SLC4A10: variants seen among roughly 807,000 people sequenced by gnomAD.
SLC4A10 encodes solute carrier family 4 member 10.
In SLC4A10, 42 loss-of-function variants were observed where a neutral mutation model predicts 137.7. That is an observed-to-expected ratio of 0.30 (90% CI 0.24 to 0.39). The LOEUF is 0.39. Among genes scored for constraint, SLC4A10 ranks in the 10% least tolerant of loss-of-function variants. SLC4A10 has a pLI of 1.00. For synonymous variants in SLC4A10, 474 were observed against 464.1 expected (o/e 1.02, Z -0.27); for missense variants, 925 against 1,355.0 (o/e 0.68, Z 4.98).
intron 1 of SLC4A10, among the ~76,000 whole-genome samples, chr2:161,760,899 T>C (rs1336949393): frequency 1.3e-5 from 2 of 151,720 alleles, no homozygotes; most frequent in Admixed American, 6.6e-5. Flanking sequence ...ATAACATACA[T>C]AGGTATGTAT....
intron 1 of SLC4A10, among the ~76,000 whole-genome samples, chr2:161,766,103 T>C (rs2050769336): frequency 2.0e-5 from 3 of 152,174 alleles, no homozygotes; most frequent in Admixed American, 1.3e-4. Flanking sequence ...TTAAAAGGCG[T>C]ACTGTATATG....
chr2:161,683,623 C>G (rs141209441), intron 1 of SLC4A10, among the ~76,000 whole-genome samples: 1 of 152,272 alleles, frequency 6.6e-6, no homozygotes, highest in East Asian at 1.9e-4. Flanking sequence ...TTTAAAATCT[C>G]TAGCCAAATT....
chr2:161,822,668 T>C (rs891175541), intron 3 of SLC4A10, among the ~76,000 whole-genome samples: 3 of 152,202 alleles, frequency 2.0e-5, no homozygotes, highest in Non-Finnish European at 4.4e-5. Flanking sequence ...TTGTATATTA[T>C]GTATTTTTAT....
chr2:161,677,882 G>A lies in SLC4A10; in HGVS notation c.48+53316G>A, dbSNP rs116565530. On this transcript the variant is annotated intron_variant, in intron 1 of 26. Coordinates refer to ENST00000446997, the MANE Select transcript of SLC4A10 (RefSeq NM_001178015.2). ...TTTTCTGTCTATGATTCTTACCTTG[G>A]CAGTACAATGTTACTTTAGGAAGAG... 7.5e-4 allele frequency among the ~76,000 whole-genome samples: 114 copies of A among 152,194 alleles called. 3 individuals carry two copies. Among genetic ancestry groups the A allele is most frequent in the African/African-American group, 2.6e-3 (107 of 41,552 alleles).
intron 4 of SLC4A10, among the ~76,000 whole-genome samples, chr2:161,840,282 C>CT (rs1018862302): frequency 1.3e-5 from 2 of 151,962 alleles, no homozygotes; most frequent in African/African-American, 2.4e-5. Flanking sequence ...TGAAAGTGGG[C>CT]TTTTTTTAAA....
chr2:161,824,631 T>C (rs1311228505), intron 3 of SLC4A10, among the ~76,000 whole-genome samples: 3 of 152,120 alleles, frequency 2.0e-5, no homozygotes, highest in Non-Finnish European at 4.4e-5. Context: ...GAAGAAAACA[T>C]TGAAAAAGCA....
chr2:161,638,715 A>G lies in SLC4A10; in HGVS notation c.48+14149A>G, dbSNP rs142100715. On this transcript the variant is annotated intron_variant, in intron 1 of 26. Transcript: ENST00000446997. Reference sequence around the variant, plus strand: ...AATTCTGTAGATTGCTTTGAGTAGTATGAGTGTTTTAACAATATTAATTCT... The same window carrying G: ...AATTCTGTAGATTGCTTTGAGTAGTGTGAGTGTTTTAACAATATTAATTCT... 1.4e-3 allele frequency among the ~76,000 whole-genome samples: 216 copies of G among 152,178 alleles called. 2 individuals are homozygous for G. The highest frequency in any genetic ancestry group is 9.1e-3 in the South Asian group (44 of 4,824).
intron 1 of SLC4A10, among the ~76,000 whole-genome samples, chr2:161,761,073 A>G (rs1439892269): frequency 6.6e-6 from 1 of 152,100 alleles, no homozygotes; most frequent in African/African-American, 2.4e-5. Context: ...TACATTTTAC[A>G]TGTGTTAATG....
At chr2:161,708,665 G>C (rs1190275693) in intron 1 of SLC4A10, 3 of 1,493,230 alleles carry the variant, frequency 2.0e-6, no homozygotes, top group Non-Finnish European at 2.7e-6. Context: ...CTGATGGACA[G>C]ATCTGTTGTT....
intron 1 of SLC4A10, among the ~76,000 whole-genome samples, chr2:161,640,525 T>A (rs1289659341): frequency 6.6e-6 from 1 of 152,204 alleles, no homozygotes; most frequent in African/African-American, 2.4e-5. Flanking sequence ...TTTACTAACT[T>A]TCTTTTGTAT....
chr2:161,799,762 A>C (rs2055176974), intron 2 of SLC4A10, among the ~76,000 whole-genome samples: 2 of 151,956 alleles, frequency 1.3e-5, no homozygotes, highest in Non-Finnish European at 2.9e-5. Flanking sequence ...TCCTGAAAAC[A>C]AATGAAGTTT....
At chr2:161,853,805 T>C (rs1301368179) in intron 4 of SLC4A10, among the ~76,000 whole-genome samples, 1 of 152,176 alleles carries the variant, frequency 6.6e-6, no homozygotes, top group Non-Finnish European at 1.5e-5. Context: ...TTGGCTTCCT[T>C]TTCACTTTCT....
chr2:161,915,755 A>G (rs1203612103), intron 15 of SLC4A10, among the ~76,000 whole-genome samples: 1 of 152,190 alleles, frequency 6.6e-6, no homozygotes, highest in Non-Finnish European at 1.5e-5. Context: ...AGGGTTGAGC[A>G]GGGTGGGCTG....
intron 2 of SLC4A10, among the ~76,000 whole-genome samples, chr2:161,781,627 T>C (rs2053027321): frequency 6.6e-6 from 1 of 152,030 alleles, no homozygotes; most frequent in Non-Finnish European, 1.5e-5. Flanking sequence ...TGAGAACCAT[T>C]GCTTGAAGAG....
intron 23 of SLC4A10, among the ~76,000 whole-genome samples, chr2:161,972,235 A>G (rs1698657369): frequency 6.6e-6 from 1 of 152,182 alleles, no homozygotes; most frequent in Admixed American, 6.5e-5. Flanking sequence ...AGCTTTTGGT[A>G]CCACTGAGTG....
intron 2 of SLC4A10, among the ~76,000 whole-genome samples, chr2:161,792,368 A>G (rs2125540308): frequency 6.6e-6 from 1 of 152,280 alleles, no homozygotes; most frequent in East Asian, 1.9e-4. Flanking sequence ...AAGACAAACC[A>G]CGGATGACCA....
chr2:161,722,474 C>G (rs1474996216), intron 1 of SLC4A10, among the ~76,000 whole-genome samples: 3 of 152,156 alleles, frequency 2.0e-5, no homozygotes, highest in Non-Finnish European at 4.4e-5. Flanking sequence ...GCTGGGGGTC[C>G]TCTCCAGATC....
chr2:161,817,288 G>A (rs1213258685), intron 3 of SLC4A10, among the ~76,000 whole-genome samples: 1 of 152,204 alleles, frequency 6.6e-6, no homozygotes, highest in Non-Finnish European at 1.5e-5. Flanking sequence ...CTTTTGAGAA[G>A]TGTCTGTTCA....
intron 5 of SLC4A10, among the ~76,000 whole-genome samples, chr2:161,861,204 T>G (rs1231524961): frequency 6.6e-6 from 1 of 152,228 alleles, no homozygotes; most frequent in Non-Finnish European, 1.5e-5. Flanking sequence ...GTCAGTCATA[T>G]GAATACCATC....
Sources: gnomAD v4.1 joint callset for allele counts (sites outside exome capture counted in the v4.1 genomes callset) on GRCh38, gnomAD v4.1.1 for gene constraint, MANE v1.5 for transcripts, NCBI Gene and HGNC (gene_info 2026-07-23, HGNC 2026-07-21) for gene names.